Variants in FBXO33 observed in about 807,000 individuals in gnomAD.
The protein encoded by FBXO33 is F-box protein 33, also known as F-box only protein 33.
FBXO33 carries 22 observed loss-of-function variants against 46.3 expected under a neutral mutation model. The ratio of observed to expected loss-of-function variants is 0.48; its 90% CI spans 0.34 to 0.68. FBXO33 has a LOEUF of 0.68. FBXO33 is among the 30% of genes least tolerant of loss of function. The pLI is 0.01. For synonymous variants in FBXO33, 337 were observed against 291.3 expected (o/e 1.16, Z -1.60); for missense variants, 692 against 708.8 (o/e 0.98, Z 0.27).
Position 39,432,346 on chromosome 14 carries a change from G to T in FBXO33, c.-184C>A. The T allele has an allele frequency of 2.7e-6, 1 of 375,840 alleles. No individual in the cohort carries two copies. The highest frequency in any genetic ancestry group is 4.4e-6 in the Non-Finnish European group (1 of 229,580). 23.3% of individuals were successfully genotyped at this position (375,840 alleles called of 1,614,324 possible). On this transcript the variant is annotated 5_prime_UTR_variant, in exon 1 of 4. Coordinates refer to ENST00000298097, the MANE Select transcript of FBXO33 (RefSeq NM_203301.4). The stretch of plus-strand genomic sequence containing the variant: ...CTGAGTAACTGCACTGCCCTCGCTC[G>T]TAAACTTCAGCGGCCCGGAAGCCTC...
rs1005242152 is a variant in FBXO33, at chr14:39,432,288, A to C, written c.-126T>G. On this transcript the variant is annotated 5_prime_UTR_variant, in exon 1 of 4. Transcript: ENST00000298097. ...GCCGGGAGCCAGCCTCTGTCTTCTC[A>C]AACTCTACTCACGTGCGTCCGAGGC... 1 of 787,598 alleles carries C rather than the reference A, an allele frequency of 1.3e-6. No individual in the cohort carries two copies. The highest frequency in any genetic ancestry group is 1.7e-6 in the Non-Finnish European group (1 of 600,244). 48.8% of individuals were successfully genotyped at this position (787,598 alleles called of 1,614,324 possible). A position where few individuals can be genotyped will look rare whatever the true frequency, so the allele number is the denominator to read the frequency against.
chr14:39,423,321 A>G (rs1567078337), intron 1 of FBXO33, among the ~76,000 whole-genome samples: 1 of 152,218 alleles, frequency 6.6e-6, no homozygotes, highest in Non-Finnish European at 1.5e-5. Flanking sequence ...TATATTACCA[A>G]TGAGAGTATC....
rs763433227 is a variant in FBXO33, at chr14:39,431,718, G to C, written c.445C>G (p.Leu149Val). ...LRVEFAAENY[L>V]SGGGPGDGGG... The stretch of plus-strand genomic sequence containing the variant: ...CCGTCCCCTGGGCCACCGCCGCTCA[G>C]ATAGTTCTCGGCGGCGAATTCAACA... The change falls in exon 1 of 4, where the codon CTG (leucine) becomes GTG (valine). Residue 149 changes from leucine (L) to valine (V), a missense_variant. By Grantham distance (32) the Leu-to-Val change is conservative (BLOSUM62 1). Transcript: ENST00000298097. The C allele has an allele frequency of 6.2e-7, 1 of 1,613,232 alleles. No homozygotes were observed. The highest frequency in any genetic ancestry group is 8.5e-7 in the Non-Finnish European group (1 of 1,180,004).
chr14:39,421,204 T>C (rs939832433), intron 1 of FBXO33, among the ~76,000 whole-genome samples: 1 of 152,204 alleles, frequency 6.6e-6, no homozygotes, highest in Admixed American at 6.5e-5. Context: ...ATTCTCCTTT[T>C]GAGGTTTTGA....
At chr14:39,423,476 T>C (rs2075495152) in intron 1 of FBXO33, among the ~76,000 whole-genome samples, 1 of 152,132 alleles carries the variant, frequency 6.6e-6, no homozygotes, top group Admixed American at 6.5e-5. Context: ...AGTGCACAAA[T>C]ATGTATGCAG....
rs1350924695 is a variant in FBXO33, at chr14:39,432,001, C to T, written c.162G>A (p.Arg54=). Reference sequence around the variant, plus strand: ...CGCACAGAGCCATCCGGCCCCGCCGCCGGCTGCCGGCTCCCGGCCGCCCCC... The same window carrying T: ...CGCACAGAGCCATCCGGCCCCGCCGTCGGCTGCCGGCTCCCGGCCGCCCCC... ...VLRGRPGAGS[R]RRGRMALCGQ... Residue 54 remains arginine, a synonymous_variant, in exon 1 of 4, where the codon CGG becomes CGA. Transcript: ENST00000298097. 2.1e-6 allele frequency: 3 copies of T among 1,423,616 alleles called. No individual in the cohort carries two copies. The Admixed American group carries it at 1.0e-4, about 49-fold the overall frequency. The allele number at this position is 1,423,616 out of a possible 1,614,324, so 88.2% of individuals were successfully genotyped here. A position where few individuals can be genotyped will look rare whatever the true frequency, so the allele number is the denominator to read the frequency against.
At position 39,400,115 on chromosome 14, in the gene FBXO33, G is replaced by C. The variant is rs559603802; in HGVS notation, c.1397-328C>G. On this transcript the variant is annotated intron_variant, in intron 3 of 3. Transcript: ENST00000298097. ...AATAAATTTTATAGCTTTGGGTAAAGATGTACCATAAGGATGAAATTTTTA... is the reference window on the plus strand; with the variant it reads ...AATAAATTTTATAGCTTTGGGTAAACATGTACCATAAGGATGAAATTTTTA... 4.6e-5 allele frequency among the ~76,000 whole-genome samples: 7 copies of C among 152,278 alleles called. No homozygotes were observed. In the East Asian group the frequency reaches 1.2e-3, roughly 25 times the overall value.
chr14:39,399,451 G>GAAAAAAAAAAAA lies in FBXO33; in HGVS notation c.*64_*65insTTTTTTTTTTTT. ...CACAAAAGGATTAATTCACACTACT[G>GAAAAAAAAAAAA]AAAAAAAAACATAATAGGACCCTAC... On this transcript the variant is annotated 3_prime_UTR_variant, in exon 4 of 4. Transcript: ENST00000298097. 7.5e-7 allele frequency: 1 copy of GAAAAAAAAAAAA among 1,338,200 alleles called. No individual in the cohort carries two copies. The highest frequency in any genetic ancestry group is 2.5e-5 in the East Asian group (1 of 39,742). 82.9% of individuals were successfully genotyped at this position (1,338,200 alleles called of 1,614,324 possible).
intron 1 of FBXO33, among the ~76,000 whole-genome samples, chr14:39,407,925 A>C (rs977634286): frequency 5.3e-5 from 8 of 152,128 alleles, no homozygotes; most frequent in African/African-American, 1.4e-4. Context: ...TAAAAGCTCC[A>C]ATTTTTCTAC....
chr14:39,424,588 C>T (rs774665447), intron 1 of FBXO33, among the ~76,000 whole-genome samples: 6 of 152,016 alleles, frequency 3.9e-5, no homozygotes, highest in Non-Finnish European at 8.8e-5. Context: ...ATTAGGAATC[C>T]CTCTGAAACA....
rs1338005517 is a variant in FBXO33 at position 39,431,928 on chromosome 14, T to C, written c.235A>G (p.Ile79Val). The C allele has an allele frequency of 2.6e-6, 4 of 1,536,250 alleles. No homozygotes were observed. The highest frequency in any genetic ancestry group is 3.5e-6 in the Non-Finnish European group (4 of 1,147,410). ...ASLPSELIVH[I>V]FSFLPAPDRL... ...TCGGGCGCCGGCAGAAAAGAGAAGA[T>C]GTGCACGATCAGCTCGCTGGGCAGC... The change falls in exon 1 of 4, where the codon ATC (isoleucine) becomes GTC (valine). Residue 79 changes from isoleucine (I) to valine (V), a missense_variant. Physicochemically the swap from Ile to Val is conservative, Grantham distance 29. This residue lies in a region of FBXO33 where 412 missense variants were observed against 370.8 expected (regional missense o/e 1.11). Coordinates refer to ENST00000298097, the MANE Select transcript of FBXO33 (RefSeq NM_203301.4).
At chr14:39,420,898 T>A (rs2075479699) in intron 1 of FBXO33, among the ~76,000 whole-genome samples, 1 of 152,272 alleles carries the variant, frequency 6.6e-6, no homozygotes, top group South Asian at 2.1e-4. Flanking sequence ...AGTTTCACCA[T>A]CTGTAAAATA....
intron 1 of FBXO33, among the ~76,000 whole-genome samples, chr14:39,424,410 G>T (rs1452646590): frequency 3.9e-5 from 6 of 152,118 alleles, no homozygotes; most frequent in African/African-American, 1.2e-4. Flanking sequence ...TGATGGCAGG[G>T]CCTTTTGATT....
At chr14:39,400,978 G>A (rs946859915) in intron 3 of FBXO33, among the ~76,000 whole-genome samples, 198 bp downstream of exon 3, 4 of 152,170 alleles carry the variant, frequency 2.6e-5, no homozygotes, top group Admixed American at 2.0e-4. Context: ...CAGGGAAGCT[G>A]GAGCAGAACA....
chr14:39,404,541 T>C (rs969056864), intron 1 of FBXO33, among the ~76,000 whole-genome samples: 7 of 152,176 alleles, frequency 4.6e-5, no homozygotes, highest in Admixed American at 4.6e-4. Context: ...TTAGCCAGGA[T>C]GGTGTCGATC....
rs551767837 is a variant in FBXO33 at position 39,405,487 on chromosome 14, G to C, written c.600-2976C>G. 9.5e-4 allele frequency among the ~76,000 whole-genome samples: 129 copies of C among 135,830 alleles called. No homozygotes were observed. In the Middle Eastern group the frequency reaches 0.011, roughly 11 times the overall value. 89.1% of individuals were successfully genotyped at this position (135,830 alleles called of 152,430 possible). A position where few individuals can be genotyped will look rare whatever the true frequency, so the allele number is the denominator to read the frequency against. On this transcript the variant is annotated intron_variant, in intron 1 of 3. Transcript: ENST00000298097. Reference sequence around the variant, plus strand: ...GGGAATATTAGAAATGAAAATCAGGGAATTTTTTGGGGGGGTGTGGAGGCA... The same window carrying C: ...GGGAATATTAGAAATGAAAATCAGGCAATTTTTTGGGGGGGTGTGGAGGCA...
At chr14:39,421,471 C>T (rs960044658) in intron 1 of FBXO33, among the ~76,000 whole-genome samples, 2 of 152,090 alleles carry the variant, frequency 1.3e-5, no homozygotes, top group Non-Finnish European at 2.9e-5. Context: ...AGTCCTACCA[C>T]ATATGGACTT....
rs1239917201 is a variant in FBXO33, at chr14:39,431,956, C to T, written c.207G>A (p.Ala69=). The part of the protein sequence containing the change: ...MALCGQAAGA[A]SLPSELIVHI... ...GCACGATCAGCTCGCTGGGCAGCGACGCAGCGCCCGCCGCCTGCCCGCACA... is the reference window on the plus strand; with the variant it reads ...GCACGATCAGCTCGCTGGGCAGCGATGCAGCGCCCGCCGCCTGCCCGCACA... Residue 69 remains alanine, a synonymous_variant, in exon 1 of 4, where the codon GCG becomes GCA. Coordinates refer to ENST00000298097, the MANE Select transcript of FBXO33 (RefSeq NM_203301.4). 127 of 1,528,776 alleles carry T rather than the reference C, an allele frequency of 8.3e-5. No individual in the cohort carries two copies. Among genetic ancestry groups the T allele is most frequent in the Non-Finnish European group, 1.1e-4 (122 of 1,144,076 alleles). 94.7% of individuals were successfully genotyped at this position (1,528,776 alleles called of 1,614,324 possible).
chr14:39,400,474 C>G (rs758219756), intron 3 of FBXO33, among the ~76,000 whole-genome samples: 16 of 152,150 alleles, frequency 1.1e-4, no homozygotes, highest in Non-Finnish European at 1.8e-4. Context: ...CAGTATTGAT[C>G]TAGTCTTTTC....
Sources: allele counts gnomAD v4.1 joint callset (sites outside exome capture counted in the v4.1 genomes callset), GRCh38; gene constraint gnomAD v4.1.1; regional missense constraint gnomAD v4.1.1; transcripts MANE v1.5; gene names NCBI Gene and HGNC (gene_info 2026-07-23, HGNC 2026-07-21).